CFAP44: variants seen among roughly 807,000 people sequenced by gnomAD.
CFAP44 encodes cilia- and flagella-associated protein 44.
Under a neutral mutation model 216.2 loss-of-function variants are expected in CFAP44, and 134 were observed. That is an observed-to-expected ratio of 0.62 (90% CI 0.54 to 0.72). The LOEUF is 0.72. Among genes scored for constraint, CFAP44 ranks in the 30% least tolerant of loss-of-function variants. The pLI, the probability that CFAP44 is intolerant of heterozygous loss-of-function variation, is 0.00. For missense variants in CFAP44, 2,035 were observed against 2,182.1 expected, an observed-to-expected ratio of 0.93 and a Z score of 1.34; for synonymous variants, 700 against 727.6, an observed-to-expected ratio of 0.96 and a Z score of 0.61.
At chr3:113,373,641 T>G in intron 17 of CFAP44, 85 bp from the exon 18 acceptor site, 1 of 1,202,206 alleles carries the variant, frequency 8.3e-7, no homozygotes, top group East Asian at 2.9e-5. Flanking sequence ...ATTTCAAATT[T>G]GAAAACATAA....
chr3:113,396,118 T>C (rs1933983702), intron 14 of CFAP44, among the ~76,000 whole-genome samples: 1 of 152,220 alleles, frequency 6.6e-6, no homozygotes, highest in Non-Finnish European at 1.5e-5. Flanking sequence ...AATTATACCA[T>C]GCATATGCTC....
intron 30 of CFAP44, 54 bp downstream of exon 30, chr3:113,306,147 C>G: frequency 6.6e-7 from 1 of 1,505,928 alleles, no homozygotes; most frequent in Non-Finnish European, 8.8e-7. Flanking sequence ...AATATTATAG[C>G]TAGGAGGATG....
chr3:113,314,621 T>C (rs1025018239), intron 28 of CFAP44, among the ~76,000 whole-genome samples: 2 of 152,128 alleles, frequency 1.3e-5, no homozygotes, highest in South Asian at 2.1e-4. Context: ...TATGGGTAAA[T>C]ACAACAGGCT....
chr3:113,437,781 G>GT (rs1935270935), intron 1 of CFAP44, among the ~76,000 whole-genome samples: 1 of 151,376 alleles, frequency 6.6e-6, no homozygotes, highest in Non-Finnish European at 1.5e-5. Context: ...GGTATTTTTG[G>GT]TTTTTTGGGG....
chr3:113,311,588 T>A (rs1429704787), intron 28 of CFAP44, among the ~76,000 whole-genome samples: 1 of 152,176 alleles, frequency 6.6e-6, no homozygotes, highest in Non-Finnish European at 1.5e-5. Flanking sequence ...GTCTTGGTTA[T>A]GTCTTTATCA....
intron 24 of CFAP44, among the ~76,000 whole-genome samples, chr3:113,338,115 A>C (rs1230620545): frequency 6.6e-6 from 1 of 151,628 alleles, no homozygotes; most frequent in African/African-American, 2.4e-5. Flanking sequence ...AAAAAATGCA[A>C]AAGTGGTGGC....
Position 113,366,031 on chromosome 3 carries a change from TTACA to T in CFAP44, c.2715+4_2715+7del. 1 of 1,595,924 alleles carries T rather than the reference TTACA, an allele frequency of 6.3e-7. No individual in the cohort carries two copies. The highest frequency in any genetic ancestry group is 8.5e-7 in the Non-Finnish European group (1 of 1,170,294). On this transcript the variant is annotated splice_donor_5th_base_variant and intron_variant, in intron 19 of 34. Transcript: ENST00000393845. ...TGTTATTAATTAACTGGTTAATTAA[TTACA>T]TACCCTGGGAGATGGAACTTTGGCC... is the stretch of plus-strand genomic sequence containing the variant.
At chr3:113,375,596 T>A (rs1358394806) in intron 17 of CFAP44, among the ~76,000 whole-genome samples, 3 of 152,194 alleles carry the variant, frequency 2.0e-5, no homozygotes, top group African/African-American at 7.2e-5. Flanking sequence ...GAGAATTTTC[T>A]AAAACTGAAG....
At chr3:113,439,307 A>G (rs1576614696) in intron 1 of CFAP44, among the ~76,000 whole-genome samples, 1 of 152,160 alleles carries the variant, frequency 6.6e-6, no homozygotes, top group Non-Finnish European at 1.5e-5. Context: ...ATGGGTTCTC[A>G]CGCTTGTATG....
chr3:113,296,523 T>C (rs1267351818), intron 33 of CFAP44, among the ~76,000 whole-genome samples: 1 of 152,140 alleles, frequency 6.6e-6, no homozygotes, highest in Non-Finnish European at 1.5e-5. Context: ...GTGCTGGTGC[T>C]CTCACTCCAA....
chr3:113,301,710 T>C (rs565107275), intron 32 of CFAP44, among the ~76,000 whole-genome samples: 1 of 152,344 alleles, frequency 6.6e-6, no homozygotes, highest in South Asian at 2.1e-4. Flanking sequence ...CATTGTGGAA[T>C]GGCTAGATTG....
chr3:113,401,444 A>G lies in CFAP44; in HGVS notation c.1326+140T>C, dbSNP rs989560569. On this transcript the variant is annotated intron_variant, in intron 10 of 34. Coordinates refer to ENST00000393845, the MANE Select transcript of CFAP44 (RefSeq NM_001164496.2). The stretch of plus-strand genomic sequence containing the variant: ...TTGAAATTTAATAAAAACAACTTCT[A>G]TATTTTAGACTAAAGCCACACAATA... 1.1e-5 allele frequency: 13 copies of G among 1,226,926 alleles called. No individual in the cohort carries two copies. The South Asian group carries it at 1.3e-4, about 13-fold the overall frequency. 76.0% of individuals were successfully genotyped at this position (1,226,926 alleles called of 1,614,324 possible).
At position 113,318,690 on chromosome 3, in the gene CFAP44, A is replaced by C. The variant is rs150254098; in HGVS notation, c.4516+7755T>G. On this transcript the variant is annotated intron_variant, in intron 28 of 34. Transcript: ENST00000393845. ...GGCAGCTAAAGAGAAGGGTCAAGTC[A>C]CATACAGAGAGAAACCCATCAGGCT... is the stretch of plus-strand genomic sequence containing the variant. Among the ~76,000 whole-genome samples, 291 of 152,294 alleles carry C rather than the reference A, an allele frequency of 1.9e-3. 2 individuals are homozygous for C. Among genetic ancestry groups the C allele is most frequent in the African/African-American group, 5.7e-3 (238 of 41,574 alleles).
At chr3:113,363,042 A>AAAAG (rs1950556238) in intron 21 of CFAP44, 103 bp downstream of exon 21, 1 of 1,401,186 alleles carries the variant, frequency 7.1e-7, no homozygotes, top group South Asian at 2.0e-5. Context: ...AAACAAACAA[A>AAAAG]AAAGAAAGAT....
intron 25 of CFAP44, 70 bp from the exon 26 acceptor site, chr3:113,330,738 C>A: frequency 7.0e-7 from 1 of 1,437,150 alleles, no homozygotes; most frequent in Non-Finnish European, 9.1e-7. Flanking sequence ...ATATGATCTG[C>A]TCTTTTCTGT....
In CFAP44 at chr3:113,305,013, A is replaced by T. The variant is rs1208646922; in HGVS notation, c.4875+23T>A. ...TGATGACTCTTCTCGGACAGGATGG[A>T]GCAGCCTCCCCAGACGCATCACCTG... On this transcript the variant is annotated intron_variant, in intron 31 of 34. Coordinates refer to ENST00000393845, the MANE Select transcript of CFAP44 (RefSeq NM_001164496.2). 4.6e-6 allele frequency: 7 copies of T among 1,533,190 alleles called. No homozygotes were observed. In the African/African-American group the frequency reaches 9.6e-5, roughly 21 times the overall value. The allele number at this position is 1,533,190 out of a possible 1,614,324, so 95.0% of individuals were successfully genotyped here. A position where few individuals can be genotyped will look rare whatever the true frequency, so the allele number is the denominator to read the frequency against.
intron 32 of CFAP44, among the ~76,000 whole-genome samples, chr3:113,297,141 C>T (rs1051744292): frequency 5.9e-5 from 9 of 152,026 alleles, no homozygotes; most frequent in Non-Finnish European, 1.0e-4. Context: ...TGATCTGCCC[C>T]TCCTCAGACT....
At position 113,330,171 on chromosome 3, in the gene CFAP44, G is replaced by A. The variant is rs1950228241; in HGVS notation, c.4113C>T (p.Asn1371=). Reference sequence around the variant, plus strand: ...TAGGAACAGGTTCACCCCTTACCCTGTTGACCAAATACTGTTGCATGTACA... The same window carrying A: ...TAGGAACAGGTTCACCCCTTACCCTATTGACCAAATACTGTTGCATGTACA... The part of the protein sequence containing the change: ...KHVYMQQYLV[N]RIKELVVTFD... Residue 1371 remains asparagine (N), a synonymous_variant, in exon 26 of 35, where the codon AAC becomes AAT. Transcript: ENST00000393845. 2.0e-6 allele frequency: 3 copies of A among 1,529,406 alleles called. No individual in the cohort carries two copies. The highest frequency in any genetic ancestry group is 1.7e-4 in the Middle Eastern group (1 of 5,962). 94.7% of individuals were successfully genotyped at this position (1,529,406 alleles called of 1,614,324 possible).
chr3:113,330,527 T>A lies in CFAP44; in HGVS notation c.3757A>T (p.Ile1253Phe). The A allele has an allele frequency of 6.5e-7, 1 of 1,537,254 alleles. No homozygotes were observed. Among genetic ancestry groups the A allele is most frequent in the Non-Finnish European group, 8.7e-7 (1 of 1,146,890 alleles). Residue 1253 changes from isoleucine (I) to phenylalanine (F), a missense_variant, in exon 26 of 35, where the codon ATT (isoleucine) becomes TTT (phenylalanine). Physicochemically the swap from Ile to Phe is conservative, Grantham distance 21 (BLOSUM62 0). This residue lies in a region of CFAP44 where 1,883 missense variants were observed against 2,023.7 expected (regional missense o/e 0.93). Transcript: ENST00000393845. ...STLHISKHIP[I>F]PKIPQIHPEE... ...GGGTGTATCTGAGGAATTTTGGGAA[T>A]GGGTATGTGCTTGGATATGTGAAGA...
Sources: allele counts gnomAD v4.1 joint callset (sites outside exome capture counted in the v4.1 genomes callset), GRCh38; gene constraint gnomAD v4.1.1; regional missense constraint gnomAD v4.1.1; transcripts MANE v1.5; gene names NCBI Gene and HGNC (gene_info 2026-07-23, HGNC 2026-07-21).